The following SSC5D variants were observed in gnomAD, a reference collection of about 807,000 sequenced individuals.
SSC5D encodes soluble scavenger receptor cysteine-rich domain-containing protein SSC5D.
A neutral mutation model predicts 104.6 loss-of-function variants in SSC5D; 106 were observed. That is an observed-to-expected ratio of 1.01 (90% CI 0.87 to 1.19). The LOEUF is 1.19. Ranked by LOEUF, SSC5D falls within the 50% of genes most tolerant of loss-of-function variation. The pLI, the probability that SSC5D is intolerant of heterozygous loss-of-function variation, is 0.00. For synonymous variants in SSC5D, 860 were observed against 883.5 expected, an observed-to-expected ratio of 0.97 and a Z score of 0.47; for missense variants, 1,993 against 2,153.8, an observed-to-expected ratio of 0.93 and a Z score of 1.48.
At chr19:55,514,519 T>C (rs1171174019) in intron 13 of SSC5D, among the ~76,000 whole-genome samples, 1 of 148,926 alleles carries the variant, frequency 6.7e-6, no homozygotes, top group Non-Finnish European at 1.5e-5. Flanking sequence ...GAGAACTGCT[T>C]GAACCTGGGA....
In SSC5D at chr19:55,489,355, G is replaced by C. The variant is rs1987058512; in HGVS notation, c.54G>C (p.Glu18Asp). The C allele has an allele frequency of 4.2e-6, 6 of 1,445,430 alleles. No homozygotes were observed. In the South Asian group the frequency reaches 7.4e-5, roughly 18 times the overall value. 89.5% of individuals were successfully genotyped at this position (1,445,430 alleles called of 1,614,324 possible). A position where few individuals can be genotyped will look rare whatever the true frequency, so the allele number is the denominator to read the frequency against. Reference protein sequence around the residue: ...LAALVGIQAVERLRLADGPHG... With the variant: ...LAALVGIQAVDRLRLADGPHG... ...CACAGCCATTCCTCCAACCCTCAGA[G>C]CGCCTGCGCCTGGCCGATGGCCCCC... Residue 18 changes from glutamate to aspartate, a missense_variant and splice_region_variant, in exon 3 of 14, where the codon GAG becomes GAC. Around this residue, in one of 6 missense-constraint regions of SSC5D, gnomAD observed 1,101 missense variants for 1,085.0 expected, o/e 1.01. Coordinates refer to ENST00000389623, the MANE Select transcript of SSC5D (RefSeq NM_001144950.2).
chr19:55,513,454 C>T (rs773904130), intron 13 of SSC5D, among the ~76,000 whole-genome samples: 7 of 152,034 alleles, frequency 4.6e-5, no homozygotes, highest in African/African-American at 1.2e-4. Flanking sequence ...GTGGTACGCA[C>T]GTGTGGTCCC....
At chr19:55,504,005 G>A in intron 12 of SSC5D, 1 of 1,069,676 alleles carries the variant, frequency 9.3e-7, no homozygotes. Context: ...CAGGCCCCAA[G>A]AAGCGGGCCT....
In SSC5D at chr19:55,518,754, T is replaced by C. The variant is rs1987954246; in HGVS notation, c.4478T>C (p.Leu1493Pro). The C allele has an allele frequency of 6.4e-7, 1 of 1,550,684 alleles. No homozygotes were observed. The highest frequency in any genetic ancestry group is 8.7e-7 in the Non-Finnish European group (1 of 1,146,908). ...MACEPPALVE[L>P]VAAVRDVGGQ... is the part of the protein sequence containing the mutation. ...TGTGAGCCACCTGCCCTGGTGGAGCTGGTGGCTGCTGTGAGGGATGTGGGT... is the reference window on the plus strand; with the variant it reads ...TGTGAGCCACCTGCCCTGGTGGAGCCGGTGGCTGCTGTGAGGGATGTGGGT... Residue 1493 changes from leucine (L) to proline (P), a missense_variant, in exon 14 of 14, where the codon CTG becomes CCG. Leu to Pro is a moderately conservative substitution (Grantham distance 98, BLOSUM62 -3). Coordinates refer to ENST00000389623, the MANE Select transcript of SSC5D (RefSeq NM_001144950.2).
intron 3 of SSC5D, 80 bp from the exon 4 acceptor site, chr19:55,489,802 T>TA: frequency 2.0e-6 from 3 of 1,482,640 alleles, no homozygotes; most frequent in Non-Finnish European, 1.8e-6. Flanking sequence ...GCCAGGTGGC[T>TA]AACTCCCTCT....
chr19:55,489,378 C>T lies in SSC5D; in HGVS notation c.77C>T (p.Pro26Leu), dbSNP rs566960275. The T allele has an allele frequency of 7.0e-5, 104 of 1,475,224 alleles. No individual in the cohort carries two copies. The East Asian group carries it at 2.7e-3, about 38-fold the overall frequency. 91.4% of individuals were successfully genotyped at this position (1,475,224 alleles called of 1,614,324 possible). The change falls in exon 3 of 14, where the codon CCC (proline) becomes CTC (leucine). Residue 26 changes from proline (P) to leucine (L), a missense_variant. Pro to Leu is a moderately conservative substitution (Grantham distance 98). Around this residue, in one of 6 missense-constraint regions of SSC5D, gnomAD observed 1,101 missense variants for 1,085.0 expected, o/e 1.01. Transcript: ENST00000389623. Reference protein sequence around the residue: ...AVERLRLADGPHGCAGRLEVW... With the variant: ...AVERLRLADGLHGCAGRLEVW... ...GAGCGCCTGCGCCTGGCCGATGGCCCCCATGGGTGCGCTGGCCGCCTGGAG... is the reference window on the plus strand; with the variant it reads ...GAGCGCCTGCGCCTGGCCGATGGCCTCCATGGGTGCGCTGGCCGCCTGGAG...
Position 55,490,425 on chromosome 19 carries a change from C to A in SSC5D, c.586+17C>A, listed in dbSNP as rs1246885705. The A allele has an allele frequency of 2.8e-6, 2 of 723,650 alleles. No individual in the cohort carries two copies. The highest frequency in any genetic ancestry group is 4.3e-6 in the Non-Finnish European group (2 of 465,804). 44.8% of individuals were successfully genotyped at this position (723,650 alleles called of 1,614,324 possible). On this transcript the variant is annotated intron_variant, in intron 5 of 13. Coordinates refer to ENST00000389623, the MANE Select transcript of SSC5D (RefSeq NM_001144950.2). ...CCCGCCAAGGTAAGCTCCCTGCAGGCTCCCCCGACCCCAAGGCTGGTTGCT... is the reference window on the plus strand; with the variant it reads ...CCCGCCAAGGTAAGCTCCCTGCAGGATCCCCCGACCCCAAGGCTGGTTGCT...
chr19:55,492,547 C>T (rs372288053), intron 6 of SSC5D: 6 of 152,026 alleles, frequency 3.9e-5, no homozygotes, highest in Non-Finnish European at 8.8e-5. Context: ...ATGGCAACCC[C>T]GGGAGGGAGA....
Position 55,500,557 on chromosome 19 carries a change from C to T in SSC5D, c.2370C>T (p.Ala790=), listed in dbSNP as rs1458395641. 17 of 1,551,582 alleles carry T rather than the reference C, an allele frequency of 1.1e-5. No homozygotes were observed. The highest frequency in any genetic ancestry group is 4.1e-5 in the African/African-American group (3 of 73,052). The change falls in exon 11 of 14, where the codon GCC becomes GCT. Residue 790 remains alanine, a synonymous_variant. Transcript: ENST00000389623. The surrounding 1 kb of genome is among the most constrained non-coding windows in gnomAD (Gnocchi z 4.6). ...RCAGRLEVWH[A]GRWGTVCDDN... Reference sequence around the variant, plus strand: ...CTGGCCGGCTGGAAGTGTGGCATGCCGGACGCTGGGGAACAGTGTGTGATG... The same window carrying T: ...CTGGCCGGCTGGAAGTGTGGCATGCTGGACGCTGGGGAACAGTGTGTGATG...
Position 55,493,577 on chromosome 19 carries a change from C to A in SSC5D, c.896-18C>A. The A allele has an allele frequency of 7.1e-7, 1 of 1,417,280 alleles. No individual in the cohort carries two copies. 87.8% of individuals were successfully genotyped at this position (1,417,280 alleles called of 1,614,324 possible). ...CACCCTCGTTTCCTGGCCCTGTGCT[C>A]CCTCTCCCACTATCCAGGCCCAGCA... On this transcript the variant is annotated intron_variant, in intron 6 of 13. Transcript: ENST00000389623.
At chr19:55,505,949 C>T (rs953416165) in intron 12 of SSC5D, among the ~76,000 whole-genome samples, 2 of 151,706 alleles carry the variant, frequency 1.3e-5, no homozygotes, top group Non-Finnish European at 2.9e-5. Context: ...GTTGGCCAGG[C>T]TGGTCTTGAA....
At position 55,519,052 on chromosome 19, in the gene SSC5D, C is replaced by CA. The variant is rs201611756; in HGVS notation, c.*62dup. On this transcript the variant is annotated 3_prime_UTR_variant, in exon 14 of 14. Transcript: ENST00000389623. ...CACCCCCAACCAAAAAAAACAAAAA[C>CA]AAAAAAAACCCCCAAAGTATCTAAT... 28,775 of 1,465,508 alleles carry CA rather than the reference C, an allele frequency of 0.02. 331 individuals are homozygous for CA. The highest frequency in any genetic ancestry group is 0.076 in the Middle Eastern group (431 of 5,648). 90.8% of individuals were successfully genotyped at this position (1,465,508 alleles called of 1,614,324 possible). A position where few individuals can be genotyped will look rare whatever the true frequency, so the allele number is the denominator to read the frequency against.
Position 55,493,796 on chromosome 19 carries a change from T to A in SSC5D, c.1097T>A (p.Ile366Asn), listed in dbSNP as rs1286406950. ...GAFFGEGSGPIILDDLRCRGN... is the reference protein window; with the variant it reads ...GAFFGEGSGPNILDDLRCRGN... ...TTCTTTGGGGAGGGGTCTGGACCCA[T>A]CATCCTGGACGACCTTCGGTGTCGG... The change falls in exon 7 of 14, where the codon ATC becomes AAC. Residue 366 changes from isoleucine to asparagine, a missense_variant. Physicochemically the swap from Ile to Asn is moderately radical, Grantham distance 149. This residue lies in a region of SSC5D where 1,101 missense variants were observed against 1,085.0 expected (regional missense o/e 1.01). Coordinates refer to ENST00000389623, the MANE Select transcript of SSC5D (RefSeq NM_001144950.2). The A allele has an allele frequency of 1.3e-6, 2 of 1,548,308 alleles. No homozygotes were observed. Among genetic ancestry groups the A allele is most frequent in the Non-Finnish European group, 1.7e-6 (2 of 1,146,280 alleles).
Position 55,498,350 on chromosome 19 carries a change from A to G in SSC5D, c.1705+153A>G, listed in dbSNP as rs116820131. Among the ~76,000 whole-genome samples, 396 of 152,276 alleles carry G rather than the reference A, an allele frequency of 2.6e-3. 2 individuals carry two copies. Among genetic ancestry groups the G allele is most frequent in the African/African-American group, 9.0e-3 (373 of 41,548 alleles). On this transcript the variant is annotated intron_variant, in intron 9 of 13. Transcript: ENST00000389623. ...ATAACCACATTGAAATCACATAATA[A>G]GTCTAGGGTGGTGTGTGTTATGCCC...
rs1301525412 is a variant in SSC5D at position 55,500,465 on chromosome 19, C to T, written c.2303-25C>T. ...AGAATGGGAGAGGCTGACCCTCCCT[C>T]CTGACCTAAGGGCCTTCCACGCAGG... On this transcript the variant is annotated intron_variant, in intron 10 of 13. Transcript: ENST00000389623. This position sits in a 1 kb window ranked among gnomAD's most constrained non-coding sequence, Gnocchi z 4.6. 4 of 1,549,256 alleles carry T rather than the reference C, an allele frequency of 2.6e-6. No homozygotes were observed. Among genetic ancestry groups the T allele is most frequent in the African/African-American group, 2.7e-5 (2 of 72,998 alleles).
At chr19:55,504,032 A>T in intron 12 of SSC5D, 1 of 1,316,384 alleles carries the variant, frequency 7.6e-7, no homozygotes, top group Non-Finnish European at 1.0e-6. Context: ...GGGGAAAGGG[A>T]GGGAGGAAGC....
At position 55,518,588 on chromosome 19, in the gene SSC5D, C is replaced by T; in HGVS notation, c.4312C>T (p.Pro1438Ser). The T allele has an allele frequency of 2.6e-6, 4 of 1,538,512 alleles. No homozygotes were observed. The highest frequency in any genetic ancestry group is 3.5e-6 in the Non-Finnish European group (4 of 1,140,262). ...PHSASDLTVS[P>S]DPLLSPTAHP... ...CTCAGCCTCTGACCTTACTGTGTCC[C>T]CTGACCCCCTCCTTTCCCCCACAGC... Residue 1438 changes from proline to serine, a missense_variant, in exon 14 of 14, where the codon CCT becomes TCT. By Grantham distance (74) the Pro-to-Ser change is moderately conservative. Transcript: ENST00000389623.
intron 12 of SSC5D, among the ~76,000 whole-genome samples, chr19:55,507,622 C>T (rs1267006546): frequency 1.5e-4 from 21 of 142,384 alleles, no homozygotes; most frequent in African/African-American, 5.4e-4. Context: ...GCCGAGATCC[C>T]GCCACTGCAC....
At position 55,489,419 on chromosome 19, in the gene SSC5D, C is replaced by T. The variant is rs771562073; in HGVS notation, c.118C>T (p.Arg40Cys). 16 of 1,489,458 alleles carry T rather than the reference C, an allele frequency of 1.1e-5. No individual in the cohort carries two copies. The highest frequency in any genetic ancestry group is 2.0e-4 in the Middle Eastern group (1 of 5,078). The allele number at this position is 1,489,458 out of a possible 1,614,324, so 92.3% of individuals were successfully genotyped here. A position where few individuals can be genotyped will look rare whatever the true frequency, so the allele number is the denominator to read the frequency against. ...CCGCCTGGAGGTCTGGCATGGCGGGCGCTGGGGCACCGTGTGTGATGACGG... is the reference window on the plus strand; with the variant it reads ...CCGCCTGGAGGTCTGGCATGGCGGGTGCTGGGGCACCGTGTGTGATGACGG... ...AGRLEVWHGG[R>C]WGTVCDDGWD... Residue 40 changes from arginine to cysteine, a missense_variant, in exon 3 of 14, where the codon CGC becomes TGC. Around this residue, in one of 6 missense-constraint regions of SSC5D, gnomAD observed 1,101 missense variants for 1,085.0 expected, o/e 1.01. Coordinates refer to ENST00000389623, the MANE Select transcript of SSC5D (RefSeq NM_001144950.2).
Sources: gnomAD v4.1 joint callset for allele counts (sites outside exome capture counted in the v4.1 genomes callset) on GRCh38, gnomAD v4.1.1 for gene constraint, gnomAD v4.1.1 regional missense constraint, Gnocchi (gnomAD v3.1) non-coding constraint, MANE v1.5 for transcripts, NCBI Gene and HGNC (gene_info 2026-07-23, HGNC 2026-07-21) for gene names.